FAM107B: variants seen among roughly 807,000 people sequenced by gnomAD.
FAM107B encodes the protein family with sequence similarity 107 member B.
A neutral mutation model predicts 31.5 loss-of-function variants in FAM107B; 21 were observed. The observed-to-expected ratio is 0.67, with a 90% CI of 0.47 to 0.96. The LOEUF (loss-of-function observed/expected upper bound fraction) is 0.96, where lower values mean the gene tolerates loss of function less well. Among genes scored for constraint, FAM107B ranks in the 40% least tolerant of loss-of-function variants. The pLI is 0.00. For missense variants in FAM107B, 452 were observed against 377.1 expected, an observed-to-expected ratio of 1.20 and a Z score of -1.64; for synonymous variants, 157 against 141.5, an observed-to-expected ratio of 1.11 and a Z score of -0.78.
chr10:14,592,125 G>C (rs1025937702), intron 2 of FAM107B, among the ~76,000 whole-genome samples: 2 of 152,170 alleles, frequency 1.3e-5, no homozygotes, highest in Non-Finnish European at 1.5e-5. Flanking sequence ...GGGCTTCCCC[G>C]ATCCCGTGCC....
At chr10:14,604,920 C>G (rs1027010042) in intron 2 of FAM107B, among the ~76,000 whole-genome samples, 1 of 152,092 alleles carries the variant, frequency 6.6e-6, no homozygotes, top group Non-Finnish European at 1.5e-5. Context: ...CTCTTTCTCT[C>G]TCTGTGCTCA....
chr10:14,587,764 CT>C (rs1302744396), intron 2 of FAM107B, among the ~76,000 whole-genome samples: 6 of 152,166 alleles, frequency 3.9e-5, no homozygotes, highest in African/African-American at 1.4e-4. Context: ...GTAAAGGACA[CT>C]GTGCTCAATT....
intron 2 of FAM107B, among the ~76,000 whole-genome samples, chr10:14,656,816 A>G (rs953585462): frequency 6.6e-6 from 1 of 152,372 alleles, no homozygotes; most frequent in Non-Finnish European, 1.5e-5. Context: ...TTCTGCTTCA[A>G]TTTGTGCACA....
intron 2 of FAM107B, among the ~76,000 whole-genome samples, chr10:14,649,174 A>T (rs1853837857): frequency 6.6e-6 from 1 of 152,224 alleles, no homozygotes; most frequent in Non-Finnish European, 1.5e-5. Context: ...GCTGACTAAC[A>T]TTAGCATTAA....
At chr10:14,521,727 A>C in intron 4 of FAM107B, 142 bp downstream of exon 4, 2 of 1,257,974 alleles carry the variant, frequency 1.6e-6, no homozygotes, top group Non-Finnish European at 2.2e-6. Context: ...ATTTGACCCC[A>C]TTTGCTGACA....
intron 2 of FAM107B, among the ~76,000 whole-genome samples, chr10:14,562,611 C>CA (rs942845301): frequency 6.6e-6 from 1 of 152,210 alleles, no homozygotes; most frequent in Admixed American, 6.5e-5. Context: ...CCACAAAAGA[C>CA]AAAATTCTGG....
intron 1 of FAM107B, among the ~76,000 whole-genome samples, chr10:14,725,160 G>C (rs1856001942): frequency 6.6e-6 from 1 of 152,158 alleles, no homozygotes; most frequent in East Asian, 1.9e-4. Context: ...GAGACTCTCA[G>C]ACGGTCAGCA....
chr10:14,767,351 C>A (rs1044994908), intron 1 of FAM107B, among the ~76,000 whole-genome samples: 4 of 151,648 alleles, frequency 2.6e-5, no homozygotes. Flanking sequence ...GTCAGCCTCC[C>A]GAAGTCCTGG....
At chr10:14,679,951 C>G (rs1854788174) in intron 1 of FAM107B, among the ~76,000 whole-genome samples, 1 of 152,206 alleles carries the variant, frequency 6.6e-6, no homozygotes, top group Admixed American at 6.5e-5. Context: ...AGCTTTGGGA[C>G]TCGGACTGGC....
At chr10:14,604,167 C>G (rs955321898) in intron 2 of FAM107B, 56 of 889,688 alleles carry the variant, frequency 6.3e-5, no homozygotes, top group Non-Finnish European at 7.2e-5. Context: ...GAGCCGGGGT[C>G]GGGCAGGGCC....
At chr10:14,573,522 C>T (rs1851358874) in intron 2 of FAM107B, among the ~76,000 whole-genome samples, 1 of 146,064 alleles carries the variant, frequency 6.8e-6, no homozygotes, top group South Asian at 2.1e-4. Flanking sequence ...AGGTCAGGAG[C>T]TCAAGATCAG....
At chr10:14,538,626 C>G (rs1312333492) in intron 2 of FAM107B, among the ~76,000 whole-genome samples, 2 of 152,218 alleles carry the variant, frequency 1.3e-5, no homozygotes, top group Non-Finnish European at 2.9e-5. Context: ...AATACAGATT[C>G]TGGTGACACA....
chr10:14,524,418 C>G (rs992800364), intron 3 of FAM107B, among the ~76,000 whole-genome samples: 10 of 152,050 alleles, frequency 6.6e-5, no homozygotes, highest in Non-Finnish European at 1.2e-4. Flanking sequence ...TTTTCATTAG[C>G]AGAACTTTCC....
At chr10:14,661,207 G>A (rs1854229377) in intron 2 of FAM107B, among the ~76,000 whole-genome samples, 1 of 152,084 alleles carries the variant, frequency 6.6e-6, no homozygotes, top group Non-Finnish European at 1.5e-5. Context: ...CCCGTCTCAG[G>A]TAGTTCTTTA....
intron 2 of FAM107B, among the ~76,000 whole-genome samples, chr10:14,607,435 CA>C (rs977245117): frequency 4.6e-5 from 7 of 152,232 alleles, no homozygotes; most frequent in African/African-American, 1.4e-4. Context: ...GGGGGGATCC[CA>C]GGAAATAAAA....
At chr10:14,662,864 G>A (rs969200043) in intron 2 of FAM107B, among the ~76,000 whole-genome samples, 1 of 152,222 alleles carries the variant, frequency 6.6e-6, no homozygotes, top group Non-Finnish European at 1.5e-5. Flanking sequence ...TTCTGGGTGT[G>A]TTGGTGAGGG....
At chr10:14,605,784 A>G (rs537639063) in intron 2 of FAM107B, among the ~76,000 whole-genome samples, 2 of 152,206 alleles carry the variant, frequency 1.3e-5, no homozygotes, top group African/African-American at 4.8e-5. Context: ...GTTCTTAACA[A>G]TGGCTCCACC....
At chr10:14,724,661 A>C (rs1855987862) in intron 1 of FAM107B, among the ~76,000 whole-genome samples, 1 of 152,108 alleles carries the variant, frequency 6.6e-6, no homozygotes, top group Non-Finnish European at 1.5e-5. Context: ...CTAGGATGAG[A>C]AGCTTAGACC....
At chr10:14,651,053 C>T (rs78111964) in intron 2 of FAM107B, among the ~76,000 whole-genome samples, 53 of 152,256 alleles carry the variant, frequency 3.5e-4, no homozygotes, top group African/African-American at 1.1e-3. Context: ...CTACTACTGA[C>T]GCTTCCTGAG....
Sources: gnomAD v4.1 joint callset for allele counts (sites outside exome capture counted in the v4.1 genomes callset) on GRCh38, gnomAD v4.1.1 for gene constraint, MANE v1.5 for transcripts, NCBI Gene and HGNC (gene_info 2026-07-23, HGNC 2026-07-21) for gene names.